The following RAD51B variants were observed in gnomAD, a reference collection of about 807,000 sequenced individuals.
RAD51B encodes the protein DNA repair protein RAD51 homolog 2.
In RAD51B, 38 loss-of-function variants were observed where a neutral mutation model predicts 42.2. That is an observed-to-expected ratio of 0.90 (90% CI 0.70 to 1.18). The LOEUF (loss-of-function observed/expected upper bound fraction) is 1.18, where lower values mean the gene tolerates loss of function less well. Among genes scored for constraint, RAD51B ranks in the 50% most tolerant of loss-of-function variants. RAD51B has a pLI of 0.00. For synonymous variants in RAD51B, 154 were observed against 145.2 expected (o/e 1.06, Z -0.43); for missense variants, 373 against 400.7 (o/e 0.93, Z 0.59).
intron 10 of RAD51B, among the ~76,000 whole-genome samples, chr14:68,475,357 G>A (rs1882479889): frequency 6.6e-6 from 1 of 152,152 alleles, no homozygotes; most frequent in Non-Finnish European, 1.5e-5. Flanking sequence ...TGGGCTTGTT[G>A]CATAATAGAG....
intron 8 of RAD51B, among the ~76,000 whole-genome samples, chr14:68,310,581 C>T (rs1236518384): frequency 2.0e-5 from 3 of 152,152 alleles, no homozygotes; most frequent in East Asian, 3.9e-4. Flanking sequence ...CGTGGTGGCT[C>T]ACGCCTGTAA....
chr14:67,940,044 ATATATATATATTTTTTTTTTTTTTT>A (rs1304942513), intron 7 of RAD51B, among the ~76,000 whole-genome samples: 12 of 14,936 alleles, frequency 8.0e-4, no homozygotes, highest in African/African-American at 2.0e-3. Flanking sequence ...ATATATATAT[ATATATATATATTTTTTTTTTTTTTT>A]TTTTTTTTTT....
intron 10 of RAD51B, among the ~76,000 whole-genome samples, chr14:68,584,244 G>A (rs1890347529): frequency 6.6e-6 from 1 of 152,068 alleles, no homozygotes; most frequent in South Asian, 2.1e-4. Flanking sequence ...GCAGAAAGGT[G>A]ACAAAAGGAC....
intron 8 of RAD51B, among the ~76,000 whole-genome samples, chr14:68,314,727 T>C (rs2082023034): frequency 6.6e-6 from 1 of 152,196 alleles, no homozygotes; most frequent in South Asian, 2.1e-4. Context: ...GTGTCCAAGC[T>C]TTGATCCTCT....
At chr14:67,936,775 T>C (rs1199846964) in intron 7 of RAD51B, among the ~76,000 whole-genome samples, 5 of 152,204 alleles carry the variant, frequency 3.3e-5, no homozygotes, top group African/African-American at 9.7e-5. Context: ...ATAATCCTTG[T>C]AGTGCTTGTG....
At chr14:68,669,618 C>T (rs954862377) in intron 11 of RAD51B, among the ~76,000 whole-genome samples, 1 of 137,716 alleles carries the variant, frequency 7.3e-6, no homozygotes, top group Non-Finnish European at 1.6e-5. Context: ...CACTATCAAA[C>T]CCGCCACTTA....
chr14:68,549,806 C>T (rs965689541), intron 10 of RAD51B, among the ~76,000 whole-genome samples: 5 of 152,156 alleles, frequency 3.3e-5, no homozygotes, highest in African/African-American at 9.7e-5. Flanking sequence ...GAAGCTACAG[C>T]GGAATCCTGC....
intron 8 of RAD51B, among the ~76,000 whole-genome samples, chr14:68,370,510 A>G (rs1176123089): frequency 6.6e-6 from 1 of 152,216 alleles, no homozygotes; most frequent in East Asian, 1.9e-4. Context: ...AGGGATGGAC[A>G]TGACTTGACT....
chr14:68,104,712 G>C lies in RAD51B; in HGVS notation c.757-187172G>C, dbSNP rs192728302. 1.1e-4 allele frequency among the ~76,000 whole-genome samples: 17 copies of C among 152,208 alleles called. No individual in the cohort carries two copies. In the South Asian group the frequency reaches 1.2e-3, roughly 11 times the overall value. ...CAATTGAGTGAATATTGGCCCACAT[G>C]ATTCTTGTAAGTGGATTACAAGAAA... On this transcript the variant is annotated intron_variant, in intron 7 of 10. Coordinates refer to ENST00000471583, the MANE Select transcript of RAD51B (RefSeq NM_133510.4).
intron 7 of RAD51B, among the ~76,000 whole-genome samples, chr14:68,249,984 A>G (rs2080587006): frequency 6.6e-6 from 1 of 152,216 alleles, no homozygotes; most frequent in South Asian, 2.1e-4. Context: ...TAAGGAAGAA[A>G]TGTCATAAAA....
intron 7 of RAD51B, among the ~76,000 whole-genome samples, chr14:68,234,643 A>T (rs746549634): frequency 6.6e-6 from 1 of 152,178 alleles, no homozygotes; most frequent in African/African-American, 2.4e-5. Context: ...TAAACAGTAA[A>T]TATATGGTAT....
intron 8 of RAD51B, among the ~76,000 whole-genome samples, chr14:68,353,145 C>G (rs1432101593): frequency 2.0e-5 from 3 of 152,210 alleles, no homozygotes; most frequent in Admixed American, 1.3e-4. Context: ...GCTTTCCTCA[C>G]ACCCAGGAGG....
chr14:68,577,836 A>G (rs1276847294), intron 10 of RAD51B, among the ~76,000 whole-genome samples: 3 of 152,226 alleles, frequency 2.0e-5, no homozygotes, highest in Admixed American at 2.0e-4. Flanking sequence ...GCCGTGGTGT[A>G]CATGCTCAAT....
intron 10 of RAD51B, among the ~76,000 whole-genome samples, chr14:68,610,823 A>G (rs1891645658): frequency 6.8e-6 from 1 of 146,268 alleles, no homozygotes; most frequent in Non-Finnish European, 1.5e-5. Flanking sequence ...ATTCCCTATT[A>G]TAACCACATC....
chr14:68,260,313 GTGTGT>G (rs2080858312), intron 7 of RAD51B, among the ~76,000 whole-genome samples: 1 of 146,656 alleles, frequency 6.8e-6, no homozygotes, highest in African/African-American at 2.7e-5. Flanking sequence ...GTGTGTGTGT[GTGTGT>G]GGAGAGGGGA....
intron 8 of RAD51B, among the ~76,000 whole-genome samples, chr14:68,318,315 G>T (rs1000466865): frequency 2.6e-5 from 4 of 152,158 alleles, no homozygotes; most frequent in African/African-American, 9.7e-5. Flanking sequence ...ACAATCCCTT[G>T]AAACATTGGT....
At chr14:68,304,130 A>G (rs2081807814) in intron 8 of RAD51B, among the ~76,000 whole-genome samples, 1 of 151,722 alleles carries the variant, frequency 6.6e-6, no homozygotes, top group Non-Finnish European at 1.5e-5. Context: ...AGATGGCGCC[A>G]CTGCACTCCA....
chr14:68,432,397 T>C (rs1408747583), intron 9 of RAD51B, among the ~76,000 whole-genome samples: 1 of 152,240 alleles, frequency 6.6e-6, no homozygotes, highest in Non-Finnish European at 1.5e-5. Flanking sequence ...AGTCCCTTTG[T>C]AGTTCTCTAA....
chr14:68,151,271 T>C (rs1241081204), intron 7 of RAD51B, among the ~76,000 whole-genome samples: 1 of 151,950 alleles, frequency 6.6e-6, no homozygotes, highest in Non-Finnish European at 1.5e-5. Flanking sequence ...CTAGAAACTG[T>C]GCTTATCCTT....
Sources: gnomAD v4.1 joint callset for allele counts (sites outside exome capture counted in the v4.1 genomes callset) on GRCh38, gnomAD v4.1.1 for gene constraint, MANE v1.5 for transcripts, NCBI Gene and HGNC (gene_info 2026-07-23, HGNC 2026-07-21) for gene names.